KIFAP3: variants seen among roughly 807,000 people sequenced by gnomAD.
KIFAP3 encodes kinesin-associated protein 3.
A neutral mutation model predicts 106.5 loss-of-function variants in KIFAP3; 68 were observed. The observed-to-expected ratio is 0.64, with a 90% CI of 0.53 to 0.78. The LOEUF (loss-of-function observed/expected upper bound fraction) is 0.78, where lower values mean the gene tolerates loss of function less well. Among genes scored for constraint, KIFAP3 ranks in the 30% least tolerant of loss-of-function variants. The pLI is 0.00. For missense variants in KIFAP3, 780 were observed against 941.8 expected, an observed-to-expected ratio of 0.83 and a Z score of 2.25; for synonymous variants, 320 against 311.5, an observed-to-expected ratio of 1.03 and a Z score of -0.29.
Position 170,035,438 on chromosome 1 carries a change from T to C in KIFAP3, c.617+16A>G. The C allele has an allele frequency of 6.6e-7, 1 of 1,512,386 alleles. No homozygotes were observed. Among genetic ancestry groups the C allele is most frequent in the Non-Finnish European group, 9.0e-7 (1 of 1,106,760 alleles). The allele number at this position is 1,512,386 out of a possible 1,614,324, so 93.7% of individuals were successfully genotyped here. A position where few individuals can be genotyped will look rare whatever the true frequency, so the allele number is the denominator to read the frequency against. On this transcript the variant is annotated intron_variant, in intron 6 of 19. Transcript: ENST00000361580. Reference sequence around the variant, plus strand: ...GAGATACAGTAGCCTTTTTATTTAATAATTTTTATACTTACCTGGAGAAAC... The same window carrying C: ...GAGATACAGTAGCCTTTTTATTTAACAATTTTTATACTTACCTGGAGAAAC...
rs1204433452 is a variant in KIFAP3 at position 169,971,790 on chromosome 1, C to G, written c.1983+723G>C. On this transcript the variant is annotated intron_variant, in intron 17 of 19. Transcript: ENST00000361580. Reference sequence around the variant, plus strand: ...ATTCAATAAACTTTCTAAAGGTGAGCCAAATCCAGTTAGAAAAAGAAAGCA... The same window carrying G: ...ATTCAATAAACTTTCTAAAGGTGAGGCAAATCCAGTTAGAAAAAGAAAGCA... Among the ~76,000 whole-genome samples the G allele has an allele frequency of 2.6e-5, 4 of 152,040 alleles. No homozygotes were observed. In the East Asian group the frequency reaches 7.7e-4, roughly 29 times the overall value.
chr1:169,951,951 C>A (rs752165806), intron 19 of KIFAP3, among the ~76,000 whole-genome samples: 76 of 151,970 alleles, frequency 5.0e-4, no homozygotes, highest in Admixed American at 1.6e-3. Context: ...TTCATCCTTT[C>A]CCAATTATGT....
At chr1:170,047,696 C>T (rs1269678402) in intron 2 of KIFAP3, among the ~76,000 whole-genome samples, 1 of 146,392 alleles carries the variant, frequency 6.8e-6, no homozygotes, top group South Asian at 2.2e-4. Flanking sequence ...CAAATGAATA[C>T]ATTTTATACT....
chr1:169,937,673 T>C (rs1663881312), intron 19 of KIFAP3, among the ~76,000 whole-genome samples: 1 of 151,836 alleles, frequency 6.6e-6, no homozygotes, highest in African/African-American at 2.4e-5. Context: ...GATACAAGTC[T>C]AAAGATACAA....
chr1:169,922,989 G>T, intron 19 of KIFAP3: 2 of 417,948 alleles, frequency 4.8e-6, no homozygotes, highest in African/African-American at 2.2e-5. Flanking sequence ...GTGTGTGTTT[G>T]TGTGCACGCG....
chr1:169,993,642 A>AAT (rs879448802), intron 10 of KIFAP3, among the ~76,000 whole-genome samples: 59,839 of 59,840 alleles, frequency 1, 29,919 homozygotes, highest in Non-Finnish European at 1. Flanking sequence ...ATTTGCTTGT[A>AAT]CCCAGAAGGT....
At chr1:170,010,846 T>C (rs1023182948) in intron 10 of KIFAP3, among the ~76,000 whole-genome samples, 1 of 152,040 alleles carries the variant, frequency 6.6e-6, no homozygotes, top group Non-Finnish European at 1.5e-5. Flanking sequence ...GCATTTCTAG[T>C]TGAAACAGCA....
At chr1:169,972,820 A>AC (rs1665988540) in intron 16 of KIFAP3, among the ~76,000 whole-genome samples, 1 of 151,654 alleles carries the variant, frequency 6.6e-6, no homozygotes, top group Non-Finnish European at 1.5e-5. Context: ...TCTAGATGAA[A>AC]ATGGGTAAGG....
intron 2 of KIFAP3, among the ~76,000 whole-genome samples, chr1:170,053,525 C>T (rs992950393): frequency 3.3e-5 from 5 of 151,820 alleles, no homozygotes; most frequent in African/African-American, 1.2e-4. Flanking sequence ...ATAGCCAAGA[C>T]AGTTCTAAGC....
chr1:170,067,315 G>A (rs1029191838), intron 1 of KIFAP3, among the ~76,000 whole-genome samples: 7 of 152,064 alleles, frequency 4.6e-5, no homozygotes, highest in African/African-American at 4.8e-5. Context: ...CAGTGAAAAC[G>A]GCAGAGTAGG....
chr1:170,060,969 T>A (rs1671119068), intron 1 of KIFAP3, among the ~76,000 whole-genome samples: 1 of 152,186 alleles, frequency 6.6e-6, no homozygotes, highest in African/African-American at 2.4e-5. Context: ...TGTAGAAAGC[T>A]GAAAACTGGA....
At chr1:170,077,615 T>C (rs1000974411), upstream of KIFAP3, among the ~76,000 whole-genome samples, 19 of 152,206 alleles carry the variant, frequency 1.2e-4, no homozygotes, top group African/African-American at 4.3e-4. Context: ...CCTACAGTTC[T>C]CTAAGTTTTG....
In KIFAP3 at chr1:170,031,974, GTCT is replaced by G; in HGVS notation, c.750_752del (p.Glu250del). 1 of 1,604,136 alleles carries G rather than the reference GTCT, an allele frequency of 6.2e-7. No homozygotes were observed. The highest frequency in any genetic ancestry group is 1.1e-5 in the South Asian group (1 of 90,066). ...CCTTTCTCAAGGTTTGGTTTTCAGG[GTCT>G]TCATCAAGTAAACAACTTGTTAAGG... On this transcript the variant is annotated inframe_deletion, in exon 8 of 20. Transcript: ENST00000361580.
intron 10 of KIFAP3, among the ~76,000 whole-genome samples, chr1:170,014,553 T>C (rs906548216): frequency 6.6e-6 from 1 of 152,200 alleles, no homozygotes; most frequent in African/African-American, 2.4e-5. Context: ...AGTATCAATA[T>C]AGGAACATCC....
In KIFAP3 at chr1:169,921,471, T is replaced by G. The variant is rs1662818880; in HGVS notation, c.*205A>C. On this transcript the variant is annotated 3_prime_UTR_variant, in exon 20 of 20. Transcript: ENST00000361580. ...ATGTTACTTAGCATCAAGATGTGGTTTGATGAGTGAACAATGTCAGTATCA... is the reference window on the plus strand; with the variant it reads ...ATGTTACTTAGCATCAAGATGTGGTGTGATGAGTGAACAATGTCAGTATCA... 1.4e-5 allele frequency: 6 copies of G among 432,044 alleles called. 1 individual carries two copies. In the Admixed American group the frequency reaches 2.4e-4, roughly 17 times the overall value. 26.8% of individuals were successfully genotyped at this position (432,044 alleles called of 1,614,324 possible). A position where few individuals can be genotyped will look rare whatever the true frequency, so the allele number is the denominator to read the frequency against.
At chr1:170,002,851 C>T (rs182265399) in intron 10 of KIFAP3, among the ~76,000 whole-genome samples, 2 of 152,276 alleles carry the variant, frequency 1.3e-5, no homozygotes, top group African/African-American at 4.8e-5. Context: ...ACTAATTCCT[C>T]AGTTTTTAAG....
chr1:170,075,018 A>G (rs981428834), upstream of KIFAP3, among the ~76,000 whole-genome samples: 2 of 152,202 alleles, frequency 1.3e-5, no homozygotes, highest in Non-Finnish European at 2.9e-5. Flanking sequence ...ACAAGCTCTA[A>G]CTTATGGAGA....
chr1:170,036,484 T>C (rs1669699816), intron 5 of KIFAP3, among the ~76,000 whole-genome samples: 1 of 152,122 alleles, frequency 6.6e-6, no homozygotes, highest in African/African-American at 2.4e-5. Flanking sequence ...CATTTCACAG[T>C]ATTATTCACA....
intron 3 of KIFAP3, among the ~76,000 whole-genome samples, chr1:170,046,210 CAAAAAAAA>C (rs60580320): frequency 1.8e-5 from 1 of 56,926 alleles, no homozygotes; most frequent in Non-Finnish European, 3.1e-5. Flanking sequence ...TTCTCTGCTG[CAAAAAAAA>C]AAAAAAAAAA....
Sources: allele counts gnomAD v4.1 joint callset (sites outside exome capture counted in the v4.1 genomes callset), GRCh38; gene constraint gnomAD v4.1.1; transcripts MANE v1.5; gene names NCBI Gene and HGNC (gene_info 2026-07-23, HGNC 2026-07-21).